The following RANBP2 variants were observed in gnomAD, a reference collection of about 807,000 sequenced individuals.
RANBP2 encodes the protein E3 SUMO-protein ligase RanBP2.
A neutral mutation model predicts 303.6 loss-of-function variants in RANBP2; 57 were observed. The ratio of observed to expected loss-of-function variants is 0.19; its 90% CI spans 0.15 to 0.23. The LOEUF (loss-of-function observed/expected upper bound fraction) is 0.23. Among genes scored for constraint, RANBP2 ranks in the 10% least tolerant of loss-of-function variants. The pLI, the probability that RANBP2 is intolerant of heterozygous loss-of-function variation, is 1.00. For missense variants in RANBP2, 3,138 were observed against 3,780.8 expected (o/e 0.83, Z 4.46); for synonymous variants, 1,167 against 1,301.5 (o/e 0.90, Z 2.23).
the RANBP2 span, among the ~76,000 whole-genome samples, chr2:109,706,234 C>T: frequency 2.7e-4 from 41 of 152,212 alleles, no homozygotes; most frequent in Non-Finnish European, 5.4e-4. Context: ...CTGTGCCACC[C>T]CCTGCTCACA....
At chr2:109,577,548 C>T in the RANBP2 span, among the ~76,000 whole-genome samples, 6 of 150,612 alleles carry the variant, frequency 4.0e-5, no homozygotes, top group African/African-American at 7.3e-5. Context: ...GCCGAGATCG[C>T]GCCATTGCAT....
the RANBP2 span, among the ~76,000 whole-genome samples, chr2:108,997,726 C>T: frequency 2.6e-5 from 4 of 152,098 alleles, no homozygotes; most frequent in Admixed American, 1.3e-4. Context: ...CCCGTCTCTA[C>T]TAAAAATACA....
chr2:109,351,557 T>C, the RANBP2 span, among the ~76,000 whole-genome samples: 4 of 152,262 alleles, frequency 2.6e-5, no homozygotes, highest in Admixed American at 2.0e-4. Flanking sequence ...ATGAAAACAT[T>C]GTGGTCGCCT....
At chr2:109,260,849 A>G in the RANBP2 span, among the ~76,000 whole-genome samples, 5 of 152,266 alleles carry the variant, frequency 3.3e-5, no homozygotes, top group South Asian at 1.0e-3. Context: ...TACAGAGAGT[A>G]ATGGAAGGTA....
the RANBP2 span, among the ~76,000 whole-genome samples, chr2:109,363,032 T>C: frequency 1.3e-5 from 2 of 152,204 alleles, no homozygotes; most frequent in Non-Finnish European, 2.9e-5. Context: ...TTAATTTGTA[T>C]ATTTACATCA....
chr2:109,352,757 G>C, the RANBP2 span, among the ~76,000 whole-genome samples: 7 of 152,288 alleles, frequency 4.6e-5, no homozygotes, highest in South Asian at 1.2e-3. Flanking sequence ...GCACAATGAT[G>C]CCTCCCACGA....
At chr2:108,950,058 T>C in the RANBP2 span, among the ~76,000 whole-genome samples, 1 of 152,160 alleles carries the variant, frequency 6.6e-6, no homozygotes, top group East Asian at 1.9e-4. Flanking sequence ...CATGGTGCCA[T>C]GGGGAGGGGC....
chr2:109,623,416 CG>C, the RANBP2 span, among the ~76,000 whole-genome samples: 4 of 152,110 alleles, frequency 2.6e-5, no homozygotes, highest in Non-Finnish European at 5.9e-5. Context: ...GGCTTGTACT[CG>C]GGGGCTGTTT....
At chr2:108,999,104 G>A in the RANBP2 span, among the ~76,000 whole-genome samples, 3 of 152,234 alleles carry the variant, frequency 2.0e-5, no homozygotes, top group African/African-American at 7.2e-5. Context: ...GTAAGTATGT[G>A]AAATATGTGG....
chr2:109,506,643 TC>T, the RANBP2 span, among the ~76,000 whole-genome samples: 3 of 152,372 alleles, frequency 2.0e-5, no homozygotes, highest in Non-Finnish European at 4.4e-5. Context: ...GAAGTGTGGT[TC>T]GTATCATCTC....
At chr2:109,630,357 G>C in the RANBP2 span, among the ~76,000 whole-genome samples, 2 of 152,168 alleles carry the variant, frequency 1.3e-5, no homozygotes, top group Non-Finnish European at 2.9e-5. Context: ...AACCCTAGCA[G>C]ACGGCTCCTC....
At chr2:108,755,900 G>T (rs1166966888) in intron 17 of RANBP2, among the ~76,000 whole-genome samples, 3 of 151,850 alleles carry the variant, frequency 2.0e-5, no homozygotes, top group Non-Finnish European at 4.4e-5. Flanking sequence ...ATTTTTGTAT[G>T]TTTAGTAGAC....
chr2:109,313,307 G>A, the RANBP2 span, among the ~76,000 whole-genome samples: 8 of 152,216 alleles, frequency 5.3e-5, no homozygotes, highest in South Asian at 2.1e-4. Flanking sequence ...CATCCCAAGG[G>A]GGGAGGCTGG....
chr2:108,828,755 G>C, the RANBP2 span, among the ~76,000 whole-genome samples: 7 of 152,246 alleles, frequency 4.6e-5, no homozygotes, highest in African/African-American at 1.7e-4. Context: ...GAGGTGGACA[G>C]ATCACCAGGT....
chr2:109,314,043 A>G, the RANBP2 span, among the ~76,000 whole-genome samples: 1 of 152,120 alleles, frequency 6.6e-6, no homozygotes, highest in Non-Finnish European at 1.5e-5. Context: ...GAGAAAAGGA[A>G]GAGGCTATGG....
chr2:109,240,697 C>A, the RANBP2 span, among the ~76,000 whole-genome samples: 1 of 152,138 alleles, frequency 6.6e-6, no homozygotes, highest in Non-Finnish European at 1.5e-5. Flanking sequence ...AGAATGCCTT[C>A]ATCTTCCCTC....
the RANBP2 span, among the ~76,000 whole-genome samples, chr2:109,635,929 T>G: frequency 5.4e-3 from 819 of 152,338 alleles, 14 homozygotes; most frequent in African/African-American, 0.019. Flanking sequence ...ATTCTTATGT[T>G]GAAATCTTCA....
chr2:108,944,303 G>C, the RANBP2 span, among the ~76,000 whole-genome samples: 1 of 152,076 alleles, frequency 6.6e-6, no homozygotes, highest in Non-Finnish European at 1.5e-5. Context: ...TAGTAGAGAC[G>C]GGGTTTCACC....
the RANBP2 span, among the ~76,000 whole-genome samples, chr2:109,575,554 T>C: frequency 1.3e-5 from 2 of 152,242 alleles, no homozygotes; most frequent in African/African-American, 2.4e-5. Flanking sequence ...CAAATCACAG[T>C]GCATGTGCAG....
Sources: allele counts gnomAD v4.1 joint callset (sites outside exome capture counted in the v4.1 genomes callset), GRCh38; gene constraint gnomAD v4.1.1; transcripts MANE v1.5; gene names NCBI Gene and HGNC (gene_info 2026-07-23, HGNC 2026-07-21).